Variants in ALOXE3 observed in about 807,000 individuals in gnomAD.
ALOXE3 encodes the protein hydroperoxide isomerase ALOXE3.
In ALOXE3, 78 loss-of-function variants were observed where a neutral mutation model predicts 87.5. The ratio of observed to expected loss-of-function variants is 0.89; its 90% CI spans 0.74 to 1.08. The LOEUF is 1.08. Among genes scored for constraint, ALOXE3 ranks in the 50% least tolerant of loss-of-function variants. The probability of loss-of-function intolerance (pLI) is 0.00; values close to 1 mark genes in which losing one functional copy is unlikely to be tolerated. For missense variants in ALOXE3, 946 were observed against 912.4 expected (o/e 1.04, Z -0.47); for synonymous variants, 363 against 370.8 (o/e 0.98, Z 0.24).
At position 8,116,857 on chromosome 17, in the gene ALOXE3, C is replaced by A. The variant is rs367827093; in HGVS notation, c.271G>T (p.Glu91Ter). Residue 91 changes from glutamate to a stop codon, truncating the protein, a stop_gained, in exon 3 of 16, where the codon GAA (glutamate) becomes TAA (stop). Coordinates refer to ENST00000448843, the MANE Select transcript of ALOXE3 (RefSeq NM_021628.3). LOFTEE classifies it high-confidence loss of function. ...SWYCSRICVT[E>*]PDGSVSHFPC... ...AAGTGGGATACACTACCATCCGGTTCGGTGACACAGATGCGGCTACAGTAC... is the reference window on the plus strand; with the variant it reads ...AAGTGGGATACACTACCATCCGGTTAGGTGACACAGATGCGGCTACAGTAC... The A allele has an allele frequency of 1.9e-6, 3 of 1,614,112 alleles. No homozygotes were observed. In the African/African-American group the frequency reaches 4.0e-5, roughly 22 times the overall value.
intron 2 of ALOXE3, 122 bp from the exon 3 acceptor site, chr17:8,117,102 C>G: frequency 1.1e-6 from 1 of 899,966 alleles, no homozygotes; most frequent in Non-Finnish European, 1.7e-6. Flanking sequence ...TGCTCCCAGC[C>G]CATACCGGGC....
chr17:8,118,605 T>A (rs943792868), upstream of ALOXE3: 74 of 1,532,938 alleles, frequency 4.8e-5, no homozygotes, highest in Non-Finnish European at 6.5e-5. Flanking sequence ...TTCCAGCACA[T>A]GTCAAATGGT....
At chr17:8,110,589 T>G in intron 8 of ALOXE3, 61 bp from the exon 9 acceptor site, 1 of 1,602,166 alleles carries the variant, frequency 6.2e-7, no homozygotes, top group Non-Finnish European at 8.5e-7. Flanking sequence ...TCCCTCCCAT[T>G]TCCCTGCCCA....
At chr17:8,107,889 GA>G (rs1390006496) in intron 13 of ALOXE3, among the ~76,000 whole-genome samples, 1 of 4,374 alleles carries the variant, frequency 2.3e-4, no homozygotes, top group East Asian at 9.7e-4. Context: ...AAGAAAGAAA[GA>G]AAGAAAGAAA....
intron 6 of ALOXE3, 73 bp from the exon 7 acceptor site, chr17:8,112,269 G>A (rs2151841892): frequency 1.8e-6 from 2 of 1,142,118 alleles, no homozygotes; most frequent in Non-Finnish European, 2.7e-6. Flanking sequence ...GTGCCCCTCT[G>A]CCTGGAGGAA....
At chr17:8,113,524 A>C (rs541866825) in intron 6 of ALOXE3, among the ~76,000 whole-genome samples, 103 of 152,076 alleles carry the variant, frequency 6.8e-4, no homozygotes, top group African/African-American at 2.2e-3. Context: ...GTGGTGGTGC[A>C]TCTCTGTAAT....
Position 8,096,680 on chromosome 17 carries a change from G to A in ALOXE3, c.2083C>T (p.Leu695=), listed in dbSNP as rs747311585. 2 of 1,570,894 alleles carry A rather than the reference G, an allele frequency of 1.3e-6. No individual in the cohort carries two copies. Among genetic ancestry groups the A allele is most frequent in the South Asian group, 2.2e-5 (2 of 90,232 alleles). The change falls in exon 16 of 16, where the codon CTG becomes TTG. Residue 695 remains leucine (L), a synonymous_variant. Coordinates refer to ENST00000448843, the MANE Select transcript of ALOXE3 (RefSeq NM_021628.3). Reference sequence around the variant, plus strand: ...GGAGGGTCCAGGTAGGTGTAGGGCAGTGCCAGACCCTGGTTCCGCTCCTGG... The same window carrying A: ...GGAGGGTCCAGGTAGGTGTAGGGCAATGCCAGACCCTGGTTCCGCTCCTGG... The part of the protein sequence containing the change: ...DIQERNQGLA[L]PYTYLDPPLI...
chr17:8,114,519 G>A lies in ALOXE3; in HGVS notation c.645C>T (p.Thr215=). The A allele has an allele frequency of 6.2e-7, 1 of 1,614,088 alleles. No homozygotes were observed. The highest frequency in any genetic ancestry group is 1.1e-5 in the South Asian group (1 of 91,070). ...YMEPNVRYSA[T]KTISLLFNAI... ...CATTGAAGAGCAGCGAGATCGTCTT[G>A]GTGGCTGAGTATCGAACATTGGGCT... The change falls in exon 6 of 16, where the codon ACC becomes ACT. Residue 215 remains threonine (T), a synonymous_variant. Transcript: ENST00000448843.
At chr17:8,115,804 A>G (rs1980534651) in intron 3 of ALOXE3, 116 bp from the exon 4 acceptor site, 1 of 1,032,672 alleles carries the variant, frequency 9.7e-7, no homozygotes, top group Non-Finnish European at 1.5e-6. Context: ...TCCCTGTGAA[A>G]CACGTGGCGG....
At position 8,110,390 on chromosome 17, in the gene ALOXE3, T is replaced by A; in HGVS notation, c.1096A>T (p.Ile366Phe). The A allele has an allele frequency of 1.9e-6, 3 of 1,607,000 alleles. No homozygotes were observed. Among genetic ancestry groups the A allele is most frequent in the Non-Finnish European group, 2.6e-6 (3 of 1,175,798 alleles). ...GGCGGCGGCGCCGGGCTCACCTGGA[T>A]GGCCAAGGGCACCAGCGCCCCCTGG... is the stretch of plus-strand genomic sequence containing the variant. ...SPQGALVPLA[I>F]QLSQTPGPDS... The change falls in exon 9 of 16, where the codon ATC becomes TTC. Residue 366 changes from isoleucine (I) to phenylalanine (F), a missense_variant. Ile to Phe is a conservative substitution (Grantham distance 21, BLOSUM62 0). Transcript: ENST00000448843.
chr17:8,110,518 A>G lies in ALOXE3; in HGVS notation c.968T>C (p.Ile323Thr), dbSNP rs1979979886. The part of the protein sequence containing the change: ...CLQTELERGN[I>T]FLADYWILAE... ...CAGGATCCAGTAGTCCGCTAGGAAGATGTTCCCCCTCTGCAGAAGGCACAC... is the reference window on the plus strand; with the variant it reads ...CAGGATCCAGTAGTCCGCTAGGAAGGTGTTCCCCCTCTGCAGAAGGCACAC... The change falls in exon 9 of 16, where the codon ATC becomes ACC. Residue 323 changes from isoleucine (I) to threonine (T), a missense_variant. Coordinates refer to ENST00000448843, the MANE Select transcript of ALOXE3 (RefSeq NM_021628.3). The G allele has an allele frequency of 1.1e-5, 17 of 1,613,860 alleles. No individual in the cohort carries two copies. Among genetic ancestry groups the G allele is most frequent in the Non-Finnish European group, 1.3e-5 (15 of 1,179,912 alleles).
At chr17:8,115,503 G>T in intron 4 of ALOXE3, 104 bp downstream of exon 4, 5 of 1,242,528 alleles carry the variant, frequency 4.0e-6, no homozygotes, top group Non-Finnish European at 5.8e-6. Flanking sequence ...CCTGATCCAA[G>T]CTAGGCACCC....
At chr17:8,116,687 T>G in intron 3 of ALOXE3, 89 bp downstream of exon 3, 1 of 1,459,756 alleles carries the variant, frequency 6.9e-7, no homozygotes, top group Non-Finnish European at 9.6e-7. Context: ...CTCAATCTTA[T>G]TCCCTATACT....
At position 8,118,501 on chromosome 17, in the gene ALOXE3, T is replaced by G; in HGVS notation, c.-329A>C. On this transcript the variant is annotated 5_prime_UTR_variant, in exon 1 of 16. Transcript: ENST00000448843. ...CACAGGGCACCTGCATTCCTACGTG[T>G]GAATCATCCGTGTGAATCACTAAAC... 1 of 1,541,760 alleles carries G rather than the reference T, an allele frequency of 6.5e-7. No homozygotes were observed. The highest frequency in any genetic ancestry group is 8.7e-7 in the Non-Finnish European group (1 of 1,144,788).
intron 8 of ALOXE3, among the ~76,000 whole-genome samples, chr17:8,111,122 G>A (rs1008519536): frequency 4.6e-4 from 70 of 152,162 alleles, no homozygotes; most frequent in African/African-American, 1.6e-3. Context: ...GCCACCCTGC[G>A]CGTTCACACC....
At chr17:8,096,892 C>A in intron 15 of ALOXE3, 86 bp from the exon 16 acceptor site, 1 of 1,495,172 alleles carries the variant, frequency 6.7e-7, no homozygotes. Flanking sequence ...CAAATCCAGT[C>A]AAGGTGGCTT....
rs531821519 is a variant in ALOXE3, at chr17:8,101,279, C to T, written c.1956+2044G>A. 4.6e-5 allele frequency among the ~76,000 whole-genome samples: 7 copies of T among 152,284 alleles called. No individual in the cohort carries two copies. In the East Asian group the frequency reaches 1.4e-3, roughly 29 times the overall value. On this transcript the variant is annotated intron_variant, in intron 15 of 15. Transcript: ENST00000448843. ...CTGACCTCAGGTGATCCACCCACCT[C>T]GGCCTCCCAATGTGCTGGGATTACA... is the stretch of plus-strand genomic sequence containing the variant.
At chr17:8,112,513 TC>T (rs1980186381) in intron 6 of ALOXE3, among the ~76,000 whole-genome samples, 1 of 152,108 alleles carries the variant, frequency 6.6e-6, no homozygotes, top group African/African-American at 2.4e-5. Flanking sequence ...GTCACAGACC[TC>T]CACTGGCTCC....
At position 8,118,265 on chromosome 17, in the gene ALOXE3, G is replaced by T. The variant is rs746589546; in HGVS notation, c.-275C>A. 3.8e-5 allele frequency: 59 copies of T among 1,551,572 alleles called. No homozygotes were observed. Among genetic ancestry groups the T allele is most frequent in the Non-Finnish European group, 5.1e-5 (58 of 1,147,012 alleles). On this transcript the variant is annotated 5_prime_UTR_variant, in exon 2 of 16. Coordinates refer to ENST00000448843, the MANE Select transcript of ALOXE3 (RefSeq NM_021628.3). ...GCCTCTGACACAGCCGGTCCCTCTG[G>T]CTGGCTCACCCAGATGGATATCAGG...
Sources: allele counts gnomAD v4.1 joint callset (sites outside exome capture counted in the v4.1 genomes callset), GRCh38; gene constraint gnomAD v4.1.1; transcripts MANE v1.5; gene names NCBI Gene and HGNC (gene_info 2026-07-23, HGNC 2026-07-21).